TRAF3IP1: variants seen among roughly 807,000 people sequenced by gnomAD.
TRAF3IP1 encodes the protein intraflagellar transport 54.
Under a neutral mutation model 89.9 loss-of-function variants are expected in TRAF3IP1, and 53 were observed. That is an observed-to-expected ratio of 0.59 (90% CI 0.47 to 0.74). TRAF3IP1 has a LOEUF of 0.74. Ranked by LOEUF, TRAF3IP1 falls within the 30% of genes least tolerant of loss-of-function variation. The pLI is 0.00. For missense variants in TRAF3IP1, 806 were observed against 866.1 expected (o/e 0.93, Z 0.87); for synonymous variants, 311 against 322.1 (o/e 0.97, Z 0.37).
intron 15 of TRAF3IP1, among the ~76,000 whole-genome samples, chr2:238,378,121 A>G (rs1309790840): frequency 6.6e-6 from 1 of 151,462 alleles, no homozygotes; most frequent in African/African-American, 2.4e-5. Context: ...GTCTGTCTAA[A>G]CCACTGGCTT....
chr2:238,380,161 C>T (rs919457342), intron 15 of TRAF3IP1, among the ~76,000 whole-genome samples: 3 of 152,136 alleles, frequency 2.0e-5, no homozygotes, highest in Non-Finnish European at 2.9e-5. Flanking sequence ...CCAGGCCCCT[C>T]CCCTCTCAAT....
At chr2:238,343,105 T>G (rs1698732592) in intron 8 of TRAF3IP1, among the ~76,000 whole-genome samples, 1 of 151,858 alleles carries the variant, frequency 6.6e-6, no homozygotes, top group Admixed American at 6.6e-5. Flanking sequence ...TTTTTTTTTT[T>G]GAGACAGAGT....
At chr2:238,367,162 T>TAAA (rs1699912961) in intron 15 of TRAF3IP1, among the ~76,000 whole-genome samples, 1 of 3,790 alleles carries the variant, frequency 2.6e-4, no homozygotes, top group Non-Finnish European at 5.3e-4. Flanking sequence ...AGACTCTGTC[T>TAAA]CAAAAAAAAA....
At chr2:238,389,443 G>T (rs1700907348) in intron 15 of TRAF3IP1, among the ~76,000 whole-genome samples, 2 of 150,244 alleles carry the variant, frequency 1.3e-5, no homozygotes, top group South Asian at 4.3e-4. Context: ...TTTATTTTAA[G>T]ATATTTTAAA....
rs150407213 is a variant in TRAF3IP1, at chr2:238,351,906, CGTGT to C, written c.1452-902_1452-899del. Among the ~76,000 whole-genome samples the C allele has an allele frequency of 9.8e-4, 142 of 144,180 alleles. No homozygotes were observed. Among genetic ancestry groups the C allele is most frequent in the Admixed American group, 2.0e-3 (29 of 14,526 alleles). The allele number at this position is 144,180 out of a possible 152,430, so 94.6% of individuals were successfully genotyped here. A position where few individuals can be genotyped will look rare whatever the true frequency, so the allele number is the denominator to read the frequency against. On this transcript the variant is annotated intron_variant, in intron 12 of 16. Coordinates refer to ENST00000373327, the MANE Select transcript of TRAF3IP1 (RefSeq NM_015650.4). This position sits in a 1 kb window ranked among gnomAD's most constrained non-coding sequence, Gnocchi z 5.2. Reference sequence around the variant, plus strand: ...GTGCGTGCATGTGCTTGTGTGTATGCGTGTGTGTGTGTGTGTGTGTGTATGCATG... The same window carrying C: ...GTGCGTGCATGTGCTTGTGTGTATGCGTGTGTGTGTGTGTGTGTATGCATG...
At chr2:238,367,163 C>CAAAA (rs33964253) in intron 15 of TRAF3IP1, among the ~76,000 whole-genome samples, 1,515 of 36,106 alleles carry the variant, frequency 0.042, 396 homozygotes, top group African/African-American at 0.068. Context: ...GACTCTGTCT[C>CAAAA]AAAAAAAAAA....
chr2:238,357,089 T>C (rs1699449658), intron 15 of TRAF3IP1, among the ~76,000 whole-genome samples: 1 of 152,206 alleles, frequency 6.6e-6, no homozygotes. Context: ...GGAATGTTTT[T>C]AAGTCTTTTT....
At chr2:238,356,158 A>G (rs1411365584) in intron 15 of TRAF3IP1, 78 bp downstream of exon 15, 1 of 1,095,228 alleles carries the variant, frequency 9.1e-7, no homozygotes, top group Non-Finnish European at 1.4e-6. Flanking sequence ...AAGTTGGAGC[A>G]TCTTTCAATA....
intron 12 of TRAF3IP1, 118 bp downstream of exon 12, chr2:238,349,526 G>A: frequency 9.8e-7 from 1 of 1,018,118 alleles, no homozygotes; most frequent in Admixed American, 2.2e-5. Flanking sequence ...ATGCTATTGA[G>A]GAACAAAAAG....
At chr2:238,324,832 G>C (rs1442094613) in intron 1 of TRAF3IP1, among the ~76,000 whole-genome samples, 1 of 151,788 alleles carries the variant, frequency 6.6e-6, no homozygotes, top group East Asian at 1.9e-4. Flanking sequence ...TCGATCTTCT[G>C]ACCTTGTGAT....
rs907294586 is a variant in TRAF3IP1 at position 238,320,597 on chromosome 2, A to G, written c.-66A>G. ...GCGGCGGGGCCGGCGGCGGCCAGGGACCCGGGCTTAGGCTCGGCCAGGCCG... is the reference window on the plus strand; with the variant it reads ...GCGGCGGGGCCGGCGGCGGCCAGGGGCCCGGGCTTAGGCTCGGCCAGGCCG... On this transcript the variant is annotated 5_prime_UTR_variant, in exon 1 of 17. Coordinates refer to ENST00000373327, the MANE Select transcript of TRAF3IP1 (RefSeq NM_015650.4). The G allele has an allele frequency of 5.3e-6, 6 of 1,124,192 alleles. No homozygotes were observed. The Admixed American group carries it at 1.5e-4, about 28-fold the overall frequency. The allele number at this position is 1,124,192 out of a possible 1,614,324, so 69.6% of individuals were successfully genotyped here. A position where few individuals can be genotyped will look rare whatever the true frequency, so the allele number is the denominator to read the frequency against.
At chr2:238,369,304 A>C (rs1700009148) in intron 15 of TRAF3IP1, among the ~76,000 whole-genome samples, 1 of 152,220 alleles carries the variant, frequency 6.6e-6, no homozygotes, top group Non-Finnish European at 1.5e-5. Context: ...CTTGTGAAAG[A>C]CACTTTTGGG....
In TRAF3IP1 at chr2:238,338,374, A is replaced by G; in HGVS notation, c.1076A>G (p.Asp359Gly). The G allele has an allele frequency of 6.4e-7, 1 of 1,568,496 alleles. No homozygotes were observed. Among genetic ancestry groups the G allele is most frequent in the Non-Finnish European group, 8.7e-7 (1 of 1,152,900 alleles). ...SKNSVEGRKEDNISAKSLDSI... is the reference protein window; with the variant it reads ...SKNSVEGRKEGNISAKSLDSI... ...TATTTTATGTCAGGAAGGAAGGAGG[A>G]TAATATTTCAGCTAAAAGTTTAGAC... The change falls in exon 8 of 17, where the codon GAT (aspartate) becomes GGT (glycine). Residue 359 changes from aspartate (D) to glycine (G), a missense_variant. Transcript: ENST00000373327.
At chr2:238,362,008 C>T (rs1386817769) in intron 15 of TRAF3IP1, among the ~76,000 whole-genome samples, 3 of 152,162 alleles carry the variant, frequency 2.0e-5, no homozygotes, top group Middle Eastern at 3.2e-3. Flanking sequence ...CTGAGTTGCC[C>T]TCGGCAGGGT....
In TRAF3IP1 at chr2:238,333,996, A is replaced by G. The variant is rs1698257436; in HGVS notation, c.1024A>G (p.Thr342Ala). 1.2e-6 allele frequency: 2 copies of G among 1,611,148 alleles called. No homozygotes were observed. Among genetic ancestry groups the G allele is most frequent in the Admixed American group, 3.4e-5 (2 of 59,674 alleles). ...CACTAGAGCTTCCAAGTCATTGACA[A>G]CAAAAACATCAAAACGGCGATCCAA... Reference protein sequence around the residue: ...ISTRASKSLTTKTSKRRSKNS... With the variant: ...ISTRASKSLTAKTSKRRSKNS... Residue 342 changes from threonine to alanine, a missense_variant, in exon 7 of 17, where the codon ACA becomes GCA. By Grantham distance (58) the Thr-to-Ala change is moderately conservative. Coordinates refer to ENST00000373327, the MANE Select transcript of TRAF3IP1 (RefSeq NM_015650.4).
intron 7 of TRAF3IP1, among the ~76,000 whole-genome samples, chr2:238,337,750 G>A (rs1397989716): frequency 2.6e-5 from 4 of 152,098 alleles, no homozygotes; most frequent in Non-Finnish European, 5.9e-5. Context: ...CCTAGGGGGT[G>A]GCCTTTATTG....
At chr2:238,378,991 C>T (rs972673100) in intron 15 of TRAF3IP1, among the ~76,000 whole-genome samples, 2 of 152,170 alleles carry the variant, frequency 1.3e-5, no homozygotes, top group Admixed American at 6.5e-5. Flanking sequence ...CTTTGGTGCC[C>T]TCTGTGGGAC....
At chr2:238,392,463 A>C (rs1245513283) in intron 15 of TRAF3IP1, among the ~76,000 whole-genome samples, 1 of 152,076 alleles carries the variant, frequency 6.6e-6, no homozygotes, top group Non-Finnish European at 1.5e-5. Flanking sequence ...TTGTCTTTCC[A>C]GAATCTTGTG....
At chr2:238,354,162 C>A (rs1328071638) in intron 14 of TRAF3IP1, among the ~76,000 whole-genome samples, 5 of 152,152 alleles carry the variant, frequency 3.3e-5, no homozygotes, top group South Asian at 2.1e-4. Context: ...AGTATTTGAC[C>A]AGGGGAGCCT....
Sources: gnomAD v4.1 joint callset for allele counts (sites outside exome capture counted in the v4.1 genomes callset) on GRCh38, gnomAD v4.1.1 for gene constraint, Gnocchi (gnomAD v3.1) non-coding constraint, MANE v1.5 for transcripts, NCBI Gene and HGNC (gene_info 2026-07-23, HGNC 2026-07-21) for gene names.